The following LRRC1 variants were observed in gnomAD, a reference collection of about 807,000 sequenced individuals.
LRRC1 encodes leucine-rich repeat-containing protein 1.
In LRRC1, 28 loss-of-function variants were observed where a neutral mutation model predicts 69.9. The ratio of observed to expected loss-of-function variants is 0.40; its 90% CI spans 0.30 to 0.55. LRRC1 has a LOEUF of 0.55. LRRC1 is among the 20% of genes least tolerant of loss of function. The pLI, the probability that LRRC1 is intolerant of heterozygous loss-of-function variation, is 0.47. For synonymous variants in LRRC1, 236 were observed against 240.2 expected, an observed-to-expected ratio of 0.98 and a Z score of 0.16; for missense variants, 498 against 609.0, an observed-to-expected ratio of 0.82 and a Z score of 1.92.
At chr6:53,879,484 C>T (rs1767192260) in intron 3 of LRRC1, among the ~76,000 whole-genome samples, 1 of 152,094 alleles carries the variant, frequency 6.6e-6, no homozygotes, top group Non-Finnish European at 1.5e-5. Context: ...CGGGGTTTCA[C>T]CATATTGGCC....
intron 12 of LRRC1, 22 bp from the exon 13 acceptor site, chr6:53,920,603 T>C (rs9296725): frequency 1.9e-6 from 3 of 1,613,976 alleles, no homozygotes; most frequent in South Asian, 1.1e-5. Flanking sequence ...ATTCCCTGCT[T>C]ATGTGGTCTT....
At chr6:53,892,118 C>T (rs1450143819) in intron 4 of LRRC1, among the ~76,000 whole-genome samples, 2 of 151,414 alleles carry the variant, frequency 1.3e-5, no homozygotes, top group Non-Finnish European at 2.9e-5. Context: ...CTTACCAACT[C>T]GAGTGAGAGG....
chr6:53,851,415 G>T (rs1369524727), intron 2 of LRRC1, among the ~76,000 whole-genome samples: 1 of 151,976 alleles, frequency 6.6e-6, no homozygotes, highest in East Asian at 1.9e-4. Context: ...CAATAGAAAG[G>T]CAGGAGAAGA....
At position 53,860,824 on chromosome 6, in the gene LRRC1, G is replaced by T. The variant is rs1006507440; in HGVS notation, c.278-18169G>T. On this transcript the variant is annotated intron_variant, in intron 2 of 13. Transcript: ENST00000370888. ...GAGCAGAAATAGCTTTATTATGGGG[G>T]TGAAGTGTGGATGGGAGCCATGAGT... 2.6e-5 allele frequency among the ~76,000 whole-genome samples: 4 copies of T among 152,308 alleles called. No homozygotes were observed. The Middle Eastern group carries it at 0.01, about 389-fold the overall frequency.
At position 53,913,045 on chromosome 6, in the gene LRRC1, G is replaced by T. The variant is rs73432422; in HGVS notation, c.991-809G>T. Among the ~76,000 whole-genome samples the T allele has an allele frequency of 9.0e-3, 1,369 of 152,196 alleles. 28 individuals are homozygous for T. The highest frequency in any genetic ancestry group is 0.031 in the African/African-American group (1,303 of 41,514). On this transcript the variant is annotated intron_variant, in intron 10 of 13. Coordinates refer to ENST00000370888, the MANE Select transcript of LRRC1 (RefSeq NM_018214.5). ...TTCAAGAGAATCATTGGATTTTTTT[G>T]TGTGTTTATGTTCCTTTTTGAAGAC...
chr6:53,918,254 T>C (rs1427132373), intron 11 of LRRC1, among the ~76,000 whole-genome samples: 2 of 152,252 alleles, frequency 1.3e-5, no homozygotes, highest in Non-Finnish European at 2.9e-5. Context: ...CCACTTAAGT[T>C]ACAGTTTCAC....
At chr6:53,828,402 A>C (rs1481743921) in intron 1 of LRRC1, among the ~76,000 whole-genome samples, 1 of 152,194 alleles carries the variant, frequency 6.6e-6, no homozygotes, top group African/African-American at 2.4e-5. Flanking sequence ...CTGATGCCGG[A>C]GGGGCTGGCC....
intron 4 of LRRC1, among the ~76,000 whole-genome samples, chr6:53,885,909 T>C (rs1159360176): frequency 2.0e-5 from 3 of 152,130 alleles, no homozygotes; most frequent in Non-Finnish European, 4.4e-5. Flanking sequence ...CCCAGTCCTG[T>C]GTTTTTTTAC....
In LRRC1 at chr6:53,919,480, A is replaced by ATT. The variant is rs763842127; in HGVS notation, c.1107-18_1107-17insTT. 19 of 1,438,494 alleles carry ATT rather than the reference A, an allele frequency of 1.3e-5. No individual in the cohort carries two copies. In the African/African-American group the frequency reaches 2.1e-4, roughly 16 times the overall value. The allele number at this position is 1,438,494 out of a possible 1,614,324, so 89.1% of individuals were successfully genotyped here. A position where few individuals can be genotyped will look rare whatever the true frequency, so the allele number is the denominator to read the frequency against. ...GAGGTTGTGATGTCTCTTTTTTTAAAAAAAAAAAAAAAAACAGGTTGCTGC... is the reference window on the plus strand; with the variant it reads ...GAGGTTGTGATGTCTCTTTTTTTAAATTAAAAAAAAAAAAAACAGGTTGCTGC... On this transcript the variant is annotated splice_polypyrimidine_tract_variant and intron_variant, in intron 11 of 13. Transcript: ENST00000370888.
At chr6:53,800,156 A>G (rs1363711989) in intron 1 of LRRC1, among the ~76,000 whole-genome samples, 1 of 152,176 alleles carries the variant, frequency 6.6e-6, no homozygotes, top group Non-Finnish European at 1.5e-5. Context: ...TAAAGCACTA[A>G]AAGTGTCAGC....
intron 2 of LRRC1, among the ~76,000 whole-genome samples, chr6:53,862,840 CT>C (rs1766575761): frequency 6.6e-6 from 1 of 152,098 alleles, no homozygotes; most frequent in Non-Finnish European, 1.5e-5. Context: ...TTTTTTCCCC[CT>C]GCACACCCGG....
chr6:53,877,603 T>C (rs544426689), intron 2 of LRRC1, among the ~76,000 whole-genome samples: 1 of 152,282 alleles, frequency 6.6e-6, no homozygotes, highest in East Asian at 1.9e-4. Flanking sequence ...ACCTATATCA[T>C]CTCTCTCAAG....
rs748461910 is a variant in LRRC1, at chr6:53,842,237, A to T, written c.277+10A>T. The T allele has an allele frequency of 2.6e-5, 42 of 1,594,370 alleles. No homozygotes were observed. The highest frequency in any genetic ancestry group is 4.0e-5 in the African/African-American group (3 of 74,474). On this transcript the variant is annotated intron_variant, in intron 2 of 13. Coordinates refer to ENST00000370888, the MANE Select transcript of LRRC1 (RefSeq NM_018214.5). ...GATGTGTCTCGAAATGGTAAGAAAG[A>T]TTCCACTTGGGTTGCCTATTTGTCT...
chr6:53,922,107 G>A (rs1768758077), intron 13 of LRRC1, among the ~76,000 whole-genome samples: 1 of 152,054 alleles, frequency 6.6e-6, no homozygotes, highest in Non-Finnish European at 1.5e-5. Flanking sequence ...TTCATCAGTA[G>A]GTCATAGAAA....
chr6:53,878,900 C>T, intron 2 of LRRC1, 93 bp from the exon 3 acceptor site: 1 of 692,478 alleles, frequency 1.4e-6, no homozygotes, highest in Non-Finnish European at 2.5e-6. Flanking sequence ...GTAGGAATTT[C>T]CAGATATTCT....
chr6:53,801,892 G>A (rs1445244185), intron 1 of LRRC1, among the ~76,000 whole-genome samples: 1 of 152,092 alleles, frequency 6.6e-6, no homozygotes, highest in Non-Finnish European at 1.5e-5. Flanking sequence ...ATTGTATTAA[G>A]TGCTCTACAT....
chr6:53,838,056 A>G lies in LRRC1; in HGVS notation c.160-4054A>G, dbSNP rs1765661506. Among the ~76,000 whole-genome samples, 3 of 152,190 alleles carry G rather than the reference A, an allele frequency of 2.0e-5. No homozygotes were observed. In the South Asian group the frequency reaches 6.2e-4, roughly 32 times the overall value. The stretch of plus-strand genomic sequence containing the variant: ...AAGACAGCTACAGGAATTGTTTTTC[A>G]TGGGCTCTGGCTGATCTCAAAGGCA... On this transcript the variant is annotated intron_variant, in intron 1 of 13. Coordinates refer to ENST00000370888, the MANE Select transcript of LRRC1 (RefSeq NM_018214.5).
At chr6:53,873,846 T>C (rs1766979314) in intron 2 of LRRC1, among the ~76,000 whole-genome samples, 1 of 152,230 alleles carries the variant, frequency 6.6e-6, no homozygotes, top group Non-Finnish European at 1.5e-5. Flanking sequence ...AGCTTTCAAC[T>C]TTTCTTCATT....
chr6:53,809,724 A>G (rs1280507529), intron 1 of LRRC1, among the ~76,000 whole-genome samples: 4 of 152,352 alleles, frequency 2.6e-5, no homozygotes, highest in East Asian at 3.9e-4. Context: ...TGTGGTTTCA[A>G]TTCACTGGTA....
Sources: allele counts gnomAD v4.1 joint callset (sites outside exome capture counted in the v4.1 genomes callset), GRCh38; gene constraint gnomAD v4.1.1; transcripts MANE v1.5; gene names NCBI Gene and HGNC (gene_info 2026-07-23, HGNC 2026-07-21).